Variants in ERP44 observed in about 807,000 individuals in gnomAD.
ERP44 encodes endoplasmic reticulum protein 44.
In ERP44, 25 loss-of-function variants were observed where a neutral mutation model predicts 53.4. The ratio of observed to expected loss-of-function variants is 0.47; its 90% CI spans 0.34 to 0.65. The LOEUF (loss-of-function observed/expected upper bound fraction) is 0.65, where lower values mean the gene tolerates loss of function less well. Among genes scored for constraint, ERP44 ranks in the 30% least tolerant of loss-of-function variants. The pLI, the probability that ERP44 is intolerant of heterozygous loss-of-function variation, is 0.01. For missense variants in ERP44, 338 were observed against 493.2 expected (o/e 0.69, Z 2.98); for synonymous variants, 145 against 161.2 (o/e 0.90, Z 0.76).
At chr9:100,050,719 C>G (rs1014178415) in intron 4 of ERP44, among the ~76,000 whole-genome samples, 1 of 152,148 alleles carries the variant, frequency 6.6e-6, no homozygotes, top group African/African-American at 2.4e-5. Context: ...CCTCAGATAA[C>G]TTGCTGGTGG....
intron 4 of ERP44, among the ~76,000 whole-genome samples, chr9:100,039,867 G>A (rs1825883882): frequency 6.6e-6 from 1 of 152,032 alleles, no homozygotes; most frequent in Non-Finnish European, 1.5e-5. Flanking sequence ...AAATTCTAAG[G>A]ATCATTAGCA....
chr9:100,077,647 C>T lies in ERP44; in HGVS notation c.58-17475G>A, dbSNP rs535248680. On this transcript the variant is annotated intron_variant, in intron 1 of 11. Coordinates refer to ENST00000262455, the MANE Select transcript of ERP44 (RefSeq NM_015051.3). ...CTTAGTTCCAGAGGGAGGAATGACA[C>T]AACAACAATTCCATTAAACTGGAAG... Among the ~76,000 whole-genome samples, 89 of 152,168 alleles carry T rather than the reference C, an allele frequency of 5.8e-4. 1 individual carries two copies. The highest frequency in any genetic ancestry group is 3.9e-3 in the Admixed American group (60 of 15,288).
intron 10 of ERP44, among the ~76,000 whole-genome samples, chr9:100,002,706 T>A: frequency 6.6e-6 from 1 of 151,868 alleles, no homozygotes; most frequent in African/African-American, 2.4e-5. Flanking sequence ...GCTGCTTTCA[T>A]AATCTTCTCT....
At position 100,020,740 on chromosome 9, in the gene ERP44, T is replaced by TA; in HGVS notation, c.472-10dup. The TA allele has an allele frequency of 1.4e-6, 2 of 1,415,442 alleles. No individual in the cohort carries two copies. The highest frequency in any genetic ancestry group is 1.2e-5 in the South Asian group (1 of 85,902). The allele number at this position is 1,415,442 out of a possible 1,614,324, so 87.7% of individuals were successfully genotyped here. On this transcript the variant is annotated splice_polypyrimidine_tract_variant and intron_variant, in intron 5 of 11. Transcript: ENST00000262455. The stretch of plus-strand genomic sequence containing the variant: ...ATATTTCTTTTGCTGCGCTGTAAAA[T>TA]AAAGTATGCAATTATTTTGCAAACA...
chr9:100,083,695 T>A (rs1826451102), intron 1 of ERP44, among the ~76,000 whole-genome samples: 1 of 152,212 alleles, frequency 6.6e-6, no homozygotes, highest in South Asian at 2.1e-4. Flanking sequence ...CGTGTTTGAC[T>A]ACCTTTTACA....
intron 10 of ERP44, among the ~76,000 whole-genome samples, chr9:99,985,893 C>A (rs1830192252): frequency 6.6e-6 from 1 of 152,206 alleles, no homozygotes; most frequent in South Asian, 2.1e-4. Flanking sequence ...GATCTTCATA[C>A]ACCCTTGCGG....
intron 1 of ERP44, among the ~76,000 whole-genome samples, chr9:100,076,744 T>G (rs1351679193): frequency 1.3e-5 from 2 of 152,216 alleles, no homozygotes; most frequent in Non-Finnish European, 2.9e-5. Flanking sequence ...GTGAAGATAT[T>G]TGTATCCCAT....
At chr9:100,023,411 A>G (rs1830616252) in intron 4 of ERP44, among the ~76,000 whole-genome samples, 1 of 148,282 alleles carries the variant, frequency 6.7e-6, no homozygotes, top group African/African-American at 2.5e-5. Flanking sequence ...AAAAAAAAAA[A>G]AAATAAGAAA....
chr9:100,043,291 A>AAAAAAAAGAAAAAG (rs1168903331), intron 4 of ERP44, among the ~76,000 whole-genome samples: 2 of 74,878 alleles, frequency 2.7e-5, no homozygotes, highest in African/African-American at 5.8e-5. Flanking sequence ...AAAAAAAAAA[A>AAAAAAAAGAAAAAG]GATAAATAAG....
At chr9:99,994,490 C>T (rs914220149) in intron 10 of ERP44, among the ~76,000 whole-genome samples, 10 of 151,892 alleles carry the variant, frequency 6.6e-5, no homozygotes, top group Non-Finnish European at 8.8e-5. Flanking sequence ...CATCACACAC[C>T]GGGGCCTGGT....
chr9:99,986,533 A>G (rs1454014308), intron 10 of ERP44, among the ~76,000 whole-genome samples: 1 of 152,212 alleles, frequency 6.6e-6, no homozygotes, highest in African/African-American at 2.4e-5. Flanking sequence ...GACTTTTAAA[A>G]TCATTATTTT....
chr9:100,070,616 A>G lies in ERP44; in HGVS notation c.58-10444T>C, dbSNP rs143555448. Among the ~76,000 whole-genome samples, 254 of 152,374 alleles carry G rather than the reference A, an allele frequency of 1.7e-3. 1 individual carries two copies. Among genetic ancestry groups the G allele is most frequent in the African/African-American group, 5.8e-3 (241 of 41,586 alleles). ...AACATCACTAAAAGTGGAACAACCA[A>G]GTATTCTGCTTCTTGATGGGATGCA... On this transcript the variant is annotated intron_variant, in intron 1 of 11. Transcript: ENST00000262455.
chr9:100,055,145 C>T (rs944869071), intron 3 of ERP44, among the ~76,000 whole-genome samples: 3 of 152,008 alleles, frequency 2.0e-5, no homozygotes, highest in South Asian at 4.1e-4. Context: ...TACCTACCTA[C>T]AGAGTAGTTC....
chr9:100,040,796 C>G (rs1350671477), intron 4 of ERP44, among the ~76,000 whole-genome samples: 1 of 152,010 alleles, frequency 6.6e-6, no homozygotes, highest in Non-Finnish European at 1.5e-5. Flanking sequence ...AACTGATAAA[C>G]AAATTCAATA....
intron 7 of ERP44, 53 bp downstream of exon 7, chr9:100,018,203 C>T (rs1477609874): frequency 1.1e-5 from 12 of 1,045,168 alleles, no homozygotes; most frequent in South Asian, 2.5e-5. Context: ...CTACATCTTA[C>T]GCATGTATTT....
At chr9:100,031,717 G>C (rs1222498799) in intron 4 of ERP44, among the ~76,000 whole-genome samples, 4 of 152,018 alleles carry the variant, frequency 2.6e-5, no homozygotes, top group African/African-American at 7.3e-5. Flanking sequence ...TTAAAAGTTA[G>C]CTTAATTAAA....
At chr9:99,998,538 C>T in intron 10 of ERP44, 1 of 722,012 alleles carries the variant, frequency 1.4e-6, no homozygotes, top group Non-Finnish European at 2.6e-6. Context: ...TGCTAATCTT[C>T]ACGCCTTCTG....
At chr9:100,037,022 C>T (rs1399667886) in intron 4 of ERP44, among the ~76,000 whole-genome samples, 2 of 152,074 alleles carry the variant, frequency 1.3e-5, no homozygotes, top group African/African-American at 4.8e-5. Flanking sequence ...TCATAAGAAC[C>T]AAAAATCAGG....
intron 10 of ERP44, among the ~76,000 whole-genome samples, chr9:99,989,503 AC>A (rs1830231831): frequency 6.6e-6 from 1 of 152,228 alleles, no homozygotes; most frequent in Admixed American, 6.5e-5. Context: ...ACCAACATCA[AC>A]AAAAAGGACA....
Sources: gnomAD v4.1 joint callset for allele counts (sites outside exome capture counted in the v4.1 genomes callset) on GRCh38, gnomAD v4.1.1 for gene constraint, MANE v1.5 for transcripts, NCBI Gene and HGNC (gene_info 2026-07-23, HGNC 2026-07-21) for gene names.